PRKD1: variants seen among roughly 807,000 people sequenced by gnomAD.
PRKD1 encodes serine/threonine-protein kinase D1.
PRKD1 carries 63 observed loss-of-function variants against 95.9 expected under a neutral mutation model. The observed-to-expected ratio is 0.66, with a 90% CI of 0.54 to 0.81. PRKD1 has a LOEUF of 0.81. PRKD1 is among the 30% of genes least tolerant of loss of function. The pLI, the probability that PRKD1 is intolerant of heterozygous loss-of-function variation, is 0.00. For missense variants in PRKD1, 1,048 were observed against 1,165.3 expected, an observed-to-expected ratio of 0.90 and a Z score of 1.47; for synonymous variants, 425 against 423.1, an observed-to-expected ratio of 1.00 and a Z score of -0.05.
chr14:29,732,211 T>C (rs1429145973), intron 1 of PRKD1, among the ~76,000 whole-genome samples: 3 of 152,194 alleles, frequency 2.0e-5, no homozygotes, highest in Non-Finnish European at 4.4e-5. Context: ...ATCATTTATA[T>C]TTTAATGTAT....
At chr14:29,915,947 T>C (rs1006392043) in intron 1 of PRKD1, among the ~76,000 whole-genome samples, 1 of 152,124 alleles carries the variant, frequency 6.6e-6, no homozygotes, top group Non-Finnish European at 1.5e-5. Context: ...AAAATAGAGA[T>C]AAAATTACTA....
intron 1 of PRKD1, among the ~76,000 whole-genome samples, chr14:29,871,924 T>C (rs1893122955): frequency 6.6e-6 from 1 of 152,190 alleles, no homozygotes; most frequent in Non-Finnish European, 1.5e-5. Context: ...GTTAAAGTGA[T>C]GAAAGGGGTG....
At chr14:29,904,783 T>G (rs950725381) in intron 1 of PRKD1, among the ~76,000 whole-genome samples, 6 of 152,252 alleles carry the variant, frequency 3.9e-5, no homozygotes, top group African/African-American at 1.4e-4. Context: ...CCAAGGTGGA[T>G]TAATAAAACC....
intron 1 of PRKD1, among the ~76,000 whole-genome samples, chr14:29,808,294 T>C (rs965813563): frequency 2.0e-5 from 3 of 151,148 alleles, no homozygotes; most frequent in African/African-American, 7.3e-5. Flanking sequence ...CTTTATTTGT[T>C]CATCCATAAG....
chr14:29,708,746 G>A (rs998698425), intron 2 of PRKD1, among the ~76,000 whole-genome samples: 2 of 152,014 alleles, frequency 1.3e-5, no homozygotes, highest in African/African-American at 2.4e-5. Context: ...TCCCAGCTAC[G>A]GAAGTGGGGA....
rs1327160777 is a variant in PRKD1 at position 29,601,829 on chromosome 14, C to T, written c.1906-2012G>A. 2.0e-5 allele frequency among the ~76,000 whole-genome samples: 3 copies of T among 152,140 alleles called. No homozygotes were observed. The East Asian group carries it at 5.8e-4, about 29-fold the overall frequency. Reference sequence around the variant, plus strand: ...CATTTCCTTTTCCTTACATGCCTTTCCCTGTTAGAGAAGCCAGACTGACTG... The same window carrying T: ...CATTTCCTTTTCCTTACATGCCTTTTCCTGTTAGAGAAGCCAGACTGACTG... On this transcript the variant is annotated intron_variant, in intron 13 of 17. Coordinates refer to ENST00000331968, the MANE Select transcript of PRKD1 (RefSeq NM_002742.3).
At chr14:29,693,157 G>T (rs139913673) in intron 2 of PRKD1, among the ~76,000 whole-genome samples, 1 of 152,048 alleles carries the variant, frequency 6.6e-6, no homozygotes, top group Non-Finnish European at 1.5e-5. Flanking sequence ...TGCAATTCTG[G>T]TATTCTTACT....
At chr14:29,750,452 T>C (rs1212470399) in intron 1 of PRKD1, among the ~76,000 whole-genome samples, 3 of 152,158 alleles carry the variant, frequency 2.0e-5, no homozygotes, top group Non-Finnish European at 4.4e-5. Context: ...ATGCGAGCTA[T>C]ACATACATTT....
At chr14:29,749,004 C>T (rs1887357644) in intron 1 of PRKD1, among the ~76,000 whole-genome samples, 1 of 151,906 alleles carries the variant, frequency 6.6e-6, no homozygotes, top group Non-Finnish European at 1.5e-5. Context: ...AGATAAAAGA[C>T]TTGAAATAAA....
intron 2 of PRKD1, among the ~76,000 whole-genome samples, chr14:29,720,957 T>G (rs915121704): frequency 2.6e-5 from 4 of 152,160 alleles, no homozygotes; most frequent in African/African-American, 9.7e-5. Flanking sequence ...AGGGCAAGAC[T>G]TGGGGTGGGA....
chr14:29,806,715 CA>C (rs1192870384), intron 1 of PRKD1, among the ~76,000 whole-genome samples: 12 of 152,106 alleles, frequency 7.9e-5, no homozygotes, highest in Non-Finnish European at 2.9e-5. Context: ...TAACTGGAGA[CA>C]AAGGACTGCC....
At chr14:29,616,723 G>T (rs1878893157) in intron 13 of PRKD1, among the ~76,000 whole-genome samples, 1 of 152,180 alleles carries the variant, frequency 6.6e-6, no homozygotes, top group African/African-American at 2.4e-5. Context: ...CTTTCTGGAG[G>T]TTCTAGAGGG....
chr14:29,660,629 T>C (rs936499401), intron 4 of PRKD1, among the ~76,000 whole-genome samples: 11 of 152,194 alleles, frequency 7.2e-5, no homozygotes, highest in Non-Finnish European at 1.2e-4. Context: ...CAGATTATTA[T>C]ATTATAATAA....
intron 2 of PRKD1, among the ~76,000 whole-genome samples, chr14:29,703,644 T>C (rs924635220): frequency 6.6e-6 from 1 of 152,224 alleles, no homozygotes; most frequent in Non-Finnish European, 1.5e-5. Flanking sequence ...AGGAAGATGA[T>C]AAGATTTACG....
chr14:29,620,632 T>C (rs1879184622), intron 13 of PRKD1, among the ~76,000 whole-genome samples: 1 of 151,074 alleles, frequency 6.6e-6, no homozygotes, highest in African/African-American at 2.4e-5. Context: ...TGAGATACCA[T>C]CTCACACCAG....
intron 5 of PRKD1, 25 bp downstream of exon 5, chr14:29,638,669 C>T (rs761178980): frequency 2.1e-5 from 34 of 1,612,436 alleles, no homozygotes; most frequent in Non-Finnish European, 2.4e-5. Flanking sequence ...GATCAAAGTT[C>T]GACAGGTGAC....
At chr14:29,912,716 T>G (rs977826817) in intron 1 of PRKD1, among the ~76,000 whole-genome samples, 1 of 152,264 alleles carries the variant, frequency 6.6e-6, no homozygotes, top group Non-Finnish European at 1.5e-5. Context: ...CTGTATATAG[T>G]GTTCCTCCTT....
chr14:29,900,825 A>G (rs1186469531), intron 1 of PRKD1, among the ~76,000 whole-genome samples: 1 of 152,182 alleles, frequency 6.6e-6, no homozygotes, highest in East Asian at 1.9e-4. Context: ...ACAACTTTAG[A>G]AAGTCAAAAA....
chr14:29,639,584 AC>A (rs1209559090), intron 4 of PRKD1, among the ~76,000 whole-genome samples: 1 of 152,118 alleles, frequency 6.6e-6, no homozygotes, highest in Non-Finnish European at 1.5e-5. Context: ...GTGCCACTGC[AC>A]TACAGCCTGG....
Sources: allele counts gnomAD v4.1 joint callset (sites outside exome capture counted in the v4.1 genomes callset), GRCh38; gene constraint gnomAD v4.1.1; transcripts MANE v1.5; gene names NCBI Gene and HGNC (gene_info 2026-07-23, HGNC 2026-07-21).